CDYL2: variants seen among roughly 807,000 people sequenced by gnomAD.
CDYL2 encodes the protein chromodomain Y like 2, also known as chromodomain Y-like protein 2.
Under a neutral mutation model 49.4 loss-of-function variants are expected in CDYL2, and 23 were observed. That is an observed-to-expected ratio of 0.47 (90% CI 0.34 to 0.66). CDYL2 has a LOEUF of 0.66. Among genes scored for constraint, CDYL2 ranks in the 30% least tolerant of loss-of-function variants. The probability of loss-of-function intolerance (pLI) is 0.01; values close to 1 mark genes in which losing one functional copy is unlikely to be tolerated. For missense variants in CDYL2, 678 were observed against 656.4 expected (o/e 1.03, Z -0.36); for synonymous variants, 360 against 268.8 (o/e 1.34, Z -3.32).
chr16:80,798,198 G>A (rs929481778), intron 1 of CDYL2, among the ~76,000 whole-genome samples: 1 of 152,010 alleles, frequency 6.6e-6, no homozygotes, highest in Non-Finnish European at 1.5e-5. Context: ...ATACCATCAT[G>A]CCCAATAATT....
intron 2 of CDYL2, among the ~76,000 whole-genome samples, chr16:80,637,641 C>G (rs1907897610): frequency 6.7e-6 from 1 of 150,222 alleles, no homozygotes; most frequent in African/African-American, 2.5e-5. Flanking sequence ...CAATGAGCAA[C>G]TGGAACTTGA....
At chr16:80,653,304 A>C (rs1422023954) in intron 2 of CDYL2, among the ~76,000 whole-genome samples, 1 of 152,294 alleles carries the variant, frequency 6.6e-6, no homozygotes, top group East Asian at 1.9e-4. Flanking sequence ...TATCTCTACT[A>C]AAAACACAAA....
At chr16:80,727,962 C>T (rs1351890118) in intron 1 of CDYL2, among the ~76,000 whole-genome samples, 3 of 152,134 alleles carry the variant, frequency 2.0e-5, no homozygotes, top group African/African-American at 7.2e-5. Context: ...TCACCATCAT[C>T]AAAGACCAAA....
chr16:80,713,182 G>A lies in CDYL2; in HGVS notation c.25-28053C>T, dbSNP rs370565549. On this transcript the variant is annotated intron_variant, in intron 1 of 6. Coordinates refer to ENST00000570137, the MANE Select transcript of CDYL2 (RefSeq NM_152342.4). Reference sequence around the variant, plus strand: ...CCTCTCCTCCTGCTCATAATGCCCTGTGCAATGTCTGCTACACTGCAGGCA... The same window carrying A: ...CCTCTCCTCCTGCTCATAATGCCCTATGCAATGTCTGCTACACTGCAGGCA... Among the ~76,000 whole-genome samples, 8 of 152,148 alleles carry A rather than the reference G, an allele frequency of 5.3e-5. No homozygotes were observed. In the East Asian group the frequency reaches 5.8e-4, roughly 11 times the overall value.
intron 1 of CDYL2, among the ~76,000 whole-genome samples, chr16:80,758,730 G>C (rs1906406282): frequency 6.6e-6 from 1 of 151,790 alleles, no homozygotes; most frequent in Non-Finnish European, 1.5e-5. Context: ...TTTTAGTAGA[G>C]ACAGGGTTTC....
intron 3 of CDYL2, among the ~76,000 whole-genome samples, chr16:80,631,305 C>G (rs1365527569): frequency 6.6e-6 from 1 of 152,220 alleles, no homozygotes; most frequent in Non-Finnish European, 1.5e-5. Context: ...TGGCTGTCAT[C>G]ACTGTTATCG....
At chr16:80,749,618 C>G (rs1192597399) in intron 1 of CDYL2, among the ~76,000 whole-genome samples, 1 of 151,986 alleles carries the variant, frequency 6.6e-6, no homozygotes, top group Non-Finnish European at 1.5e-5. Context: ...GAAGGTAATC[C>G]AAATTATCAG....
intron 1 of CDYL2, among the ~76,000 whole-genome samples, chr16:80,714,923 T>C (rs1430931088): frequency 1.3e-5 from 2 of 152,116 alleles, no homozygotes; most frequent in Non-Finnish European, 2.9e-5. Flanking sequence ...GGTGTTTCCA[T>C]CTGTCCCCCC....
chr16:80,786,470 G>T (rs1597133368), intron 1 of CDYL2, among the ~76,000 whole-genome samples: 1 of 152,256 alleles, frequency 6.6e-6, no homozygotes, highest in Non-Finnish European at 1.5e-5. Flanking sequence ...AACAAGAGAT[G>T]CTGGAGAGGT....
At position 80,612,796 on chromosome 16, in the gene CDYL2, C is replaced by T. The variant is rs200689533; in HGVS notation, c.1048G>A (p.Val350Met). 1.3e-5 allele frequency: 21 copies of T among 1,613,688 alleles called. No individual in the cohort carries two copies. The highest frequency in any genetic ancestry group is 5.3e-5 in the African/African-American group (4 of 74,910). The change falls in exon 5 of 7, where the codon GTG becomes ATG. Residue 350 changes from valine (V) to methionine (M), a missense_variant. By Grantham distance (21) the Val-to-Met change is conservative. Around this residue, in one of 3 missense-constraint regions of CDYL2, gnomAD observed 47 missense variants for 78.8 expected, o/e 0.60. Coordinates refer to ENST00000570137, the MANE Select transcript of CDYL2 (RefSeq NM_152342.4). This position sits in a 1 kb window ranked among gnomAD's most constrained non-coding sequence, Gnocchi z 5.0. The part of the protein sequence containing the change: ...KAFIQFKKPI[V>M]VAINGPALGL... ...AGGGCCGGCCCATTGATGGCCACCACGATAGGCTTCTTAAACTGGATAAAG... is the reference window on the plus strand; with the variant it reads ...AGGGCCGGCCCATTGATGGCCACCATGATAGGCTTCTTAAACTGGATAAAG...
At chr16:80,636,016 G>A (rs151289352) in intron 2 of CDYL2, among the ~76,000 whole-genome samples, 6,049 of 152,282 alleles carry the variant, frequency 0.04, 417 homozygotes, top group African/African-American at 0.14. Flanking sequence ...GCCATATGCA[G>A]AAAACTGAAA....
Position 80,684,905 on chromosome 16 carries a change from G to A in CDYL2, c.249C>T (p.Gly83=), listed in dbSNP as rs149909917. 8.9e-5 allele frequency: 143 copies of A among 1,614,144 alleles called. No homozygotes were observed. In the African/African-American group the frequency reaches 1.6e-3, roughly 18 times the overall value. ...STSKLLRDSR[G]PSVEKLSHRP... The stretch of plus-strand genomic sequence containing the variant: ...TGTGGGACAGTTTCTCAACCGACGG[G>A]CCTCGACTGTCACGCAGCAGCTTGG... Residue 83 remains glycine (G), a synonymous_variant, in exon 2 of 7, where the codon GGC becomes GGT. Coordinates refer to ENST00000570137, the MANE Select transcript of CDYL2 (RefSeq NM_152342.4).
At chr16:80,715,362 A>C (rs535535363) in intron 1 of CDYL2, among the ~76,000 whole-genome samples, 2 of 152,238 alleles carry the variant, frequency 1.3e-5, no homozygotes, top group South Asian at 4.1e-4. Flanking sequence ...ATAACCACCA[A>C]CAATACCCCA....
At chr16:80,702,331 C>T (rs960210632) in intron 1 of CDYL2, among the ~76,000 whole-genome samples, 4 of 151,690 alleles carry the variant, frequency 2.6e-5, no homozygotes, top group African/African-American at 9.7e-5. Context: ...ACGTTCTGCA[C>T]ATGTATCCCA....
intron 1 of CDYL2, among the ~76,000 whole-genome samples, chr16:80,718,419 T>A (rs946909591): frequency 1.3e-5 from 2 of 152,168 alleles, no homozygotes; most frequent in East Asian, 3.8e-4. Context: ...GTTAGGACTA[T>A]CATACCTAAT....
At chr16:80,707,054 A>C (rs973648469) in intron 1 of CDYL2, among the ~76,000 whole-genome samples, 1 of 152,176 alleles carries the variant, frequency 6.6e-6, no homozygotes, top group Non-Finnish European at 1.5e-5. Flanking sequence ...GGTGCAGTGA[A>C]CACCCCACAT....
At chr16:80,777,383 C>A (rs560336711) in intron 1 of CDYL2, among the ~76,000 whole-genome samples, 1 of 151,244 alleles carries the variant, frequency 6.6e-6, no homozygotes, top group Non-Finnish European at 1.5e-5. Context: ...CAGAGAAACA[C>A]TGAAACAGAG....
intron 1 of CDYL2, among the ~76,000 whole-genome samples, chr16:80,767,520 A>C (rs1202104892): frequency 6.6e-6 from 1 of 152,220 alleles, no homozygotes; most frequent in African/African-American, 2.4e-5. Context: ...AATGATCTAA[A>C]TAAGGGGCCA....
intron 3 of CDYL2, among the ~76,000 whole-genome samples, chr16:80,623,834 G>C (rs935884110): frequency 6.6e-6 from 1 of 152,130 alleles, no homozygotes; most frequent in Non-Finnish European, 1.5e-5. Context: ...AAGCATCAGG[G>C]CTTTTCATCT....
Sources: gnomAD v4.1 joint callset for allele counts (sites outside exome capture counted in the v4.1 genomes callset) on GRCh38, gnomAD v4.1.1 for gene constraint, gnomAD v4.1.1 regional missense constraint, Gnocchi (gnomAD v3.1) non-coding constraint, MANE v1.5 for transcripts, NCBI Gene and HGNC (gene_info 2026-07-23, HGNC 2026-07-21) for gene names.